Variants in PLCB1 observed in about 807,000 individuals in gnomAD.
The protein encoded by PLCB1 is 1-phosphatidylinositol 4,5-bisphosphate phosphodiesterase beta-1.
A neutral mutation model predicts 161.8 loss-of-function variants in PLCB1; 46 were observed. The ratio of observed to expected loss-of-function variants is 0.28; its 90% CI spans 0.22 to 0.36. The LOEUF (loss-of-function observed/expected upper bound fraction) is 0.36. Among genes scored for constraint, PLCB1 ranks in the 10% least tolerant of loss-of-function variants. The pLI, the probability that PLCB1 is intolerant of heterozygous loss-of-function variation, is 1.00. For missense variants in PLCB1, 1,016 were observed against 1,472.5 expected (o/e 0.69, Z 5.07); for synonymous variants, 517 against 503.7 (o/e 1.03, Z -0.35).
chr20:8,262,827 T>A (rs1981771399), intron 2 of PLCB1, among the ~76,000 whole-genome samples: 1 of 152,124 alleles, frequency 6.6e-6, no homozygotes, highest in Admixed American at 6.6e-5. Flanking sequence ...TGTGTTCAAC[T>A]GACCTTCCTT....
intron 2 of PLCB1, among the ~76,000 whole-genome samples, chr20:8,349,629 G>T (rs1284274282): frequency 6.6e-6 from 1 of 152,204 alleles, no homozygotes; most frequent in East Asian, 1.9e-4. Context: ...TTTTGTTTTG[G>T]TTTTTTGTTT....
At chr20:8,550,199 A>G (rs369428765) in intron 3 of PLCB1, among the ~76,000 whole-genome samples, 109 of 152,294 alleles carry the variant, frequency 7.2e-4, no homozygotes, top group African/African-American at 2.4e-3. Context: ...GAATGAGTTA[A>G]GACTTTGGGG....
chr20:8,621,026 A>C (rs1472779956), intron 3 of PLCB1, among the ~76,000 whole-genome samples: 2 of 152,180 alleles, frequency 1.3e-5, no homozygotes, highest in Non-Finnish European at 2.9e-5. Flanking sequence ...CTTAAATCTC[A>C]CCAATAAAGA....
At position 8,722,367 on chromosome 20, in the gene PLCB1, G is replaced by C. The variant is rs141857911; in HGVS notation, c.1527G>C (p.Thr509=). 9.9e-6 allele frequency: 16 copies of C among 1,610,922 alleles called. No individual in the cohort carries two copies. In the African/African-American group the frequency reaches 2.1e-4, roughly 22 times the overall value. The part of the protein sequence containing the change: ...PSSPGAGEAD[T]ESDDDDDDDD... ...AAAATTTGACAGGAGAAGCTGATAC[G>C]GAAAGTGACGACGACGATGATGATG... The change falls in exon 15 of 32, where the codon ACG becomes ACC. Residue 509 remains threonine (T), a synonymous_variant. Coordinates refer to ENST00000338037, the MANE Select transcript of PLCB1 (RefSeq NM_015192.4).
chr20:8,314,721 G>A (rs887704951), intron 2 of PLCB1, among the ~76,000 whole-genome samples: 6 of 152,078 alleles, frequency 3.9e-5, no homozygotes, highest in African/African-American at 1.2e-4. Context: ...TTACAAATAG[G>A]TAAAACATAC....
chr20:8,169,362 C>T (rs1035969961), intron 2 of PLCB1, among the ~76,000 whole-genome samples: 6 of 152,180 alleles, frequency 3.9e-5, no homozygotes, highest in African/African-American at 1.4e-4. Flanking sequence ...TCATTCTGAG[C>T]TTCCATTTTC....
At chr20:8,584,440 G>A (rs953852419) in intron 3 of PLCB1, among the ~76,000 whole-genome samples, 5 of 150,916 alleles carry the variant, frequency 3.3e-5, no homozygotes, top group African/African-American at 9.8e-5. Context: ...TAAGTGTTAT[G>A]TTTTGACTAA....
At chr20:8,555,287 G>A (rs1985914349) in intron 3 of PLCB1, among the ~76,000 whole-genome samples, 1 of 152,052 alleles carries the variant, frequency 6.6e-6, no homozygotes, top group Admixed American at 6.6e-5. Context: ...GGCAAGGTAG[G>A]CAATGGATCA....
intron 2 of PLCB1, among the ~76,000 whole-genome samples, chr20:8,166,849 C>T (rs1193897428): frequency 1.3e-5 from 2 of 152,120 alleles, no homozygotes; most frequent in Non-Finnish European, 2.9e-5. Context: ...AATACTTTTC[C>T]TCTGCTTGGA....
intron 2 of PLCB1, among the ~76,000 whole-genome samples, chr20:8,209,402 GAGTT>G (rs1164467080): frequency 1.3e-5 from 2 of 152,074 alleles, no homozygotes; most frequent in Non-Finnish European, 2.9e-5. Flanking sequence ...GTTCTTAGAG[GAGTT>G]AGTTATTGTC....
At chr20:8,659,034 C>G (rs933803412) in intron 9 of PLCB1, among the ~76,000 whole-genome samples, 3 of 152,022 alleles carry the variant, frequency 2.0e-5, no homozygotes, top group Non-Finnish European at 2.9e-5. Flanking sequence ...TTGTCTTTTT[C>G]TAGTAAGTTC....
chr20:8,582,120 C>G (rs1986852888), intron 3 of PLCB1, among the ~76,000 whole-genome samples: 1 of 152,154 alleles, frequency 6.6e-6, no homozygotes, highest in Non-Finnish European at 1.5e-5. Flanking sequence ...ACACCTCTGC[C>G]ATAAGCTGAG....
intron 3 of PLCB1, among the ~76,000 whole-genome samples, chr20:8,390,811 G>A (rs1987564484): frequency 6.6e-6 from 1 of 151,910 alleles, no homozygotes; most frequent in African/African-American, 2.4e-5. Flanking sequence ...ACAAGCTCTT[G>A]GGTCAGAAAG....
intron 3 of PLCB1, among the ~76,000 whole-genome samples, chr20:8,577,546 T>TA (rs964042904): frequency 3.9e-5 from 6 of 151,900 alleles, no homozygotes; most frequent in African/African-American, 1.5e-4. Context: ...CTGGCAAAAC[T>TA]AAAAAATCAA....
intron 31 of PLCB1, among the ~76,000 whole-genome samples, chr20:8,797,348 ACT>A (rs1218937081): frequency 6.6e-6 from 1 of 151,116 alleles, no homozygotes; most frequent in Non-Finnish European, 1.5e-5. Flanking sequence ...TTCTGCAAAA[ACT>A]CTAAACTATC....
chr20:8,821,648 G>T (rs564557984), intron 31 of PLCB1, among the ~76,000 whole-genome samples: 1 of 149,080 alleles, frequency 6.7e-6, no homozygotes, highest in East Asian at 2.0e-4. Flanking sequence ...GGATATTTTC[G>T]CATGTCAGCA....
intron 3 of PLCB1, among the ~76,000 whole-genome samples, chr20:8,573,272 A>G (rs553551677): frequency 6.6e-6 from 1 of 152,304 alleles, no homozygotes; most frequent in African/African-American, 2.4e-5. Context: ...CCTCTCTAGA[A>G]AAAGGAGGAC....
chr20:8,461,580 C>CT (rs1981578676), intron 3 of PLCB1, among the ~76,000 whole-genome samples: 1 of 152,054 alleles, frequency 6.6e-6, no homozygotes, highest in Admixed American at 6.5e-5. Context: ...GCATGAATTT[C>CT]TTTTTTCCCC....
At chr20:8,299,259 G>A (rs1302292797) in intron 2 of PLCB1, among the ~76,000 whole-genome samples, 1 of 152,096 alleles carries the variant, frequency 6.6e-6, no homozygotes, top group Non-Finnish European at 1.5e-5. Context: ...ACATATAAAG[G>A]TGTATAAGCC....
Sources: gnomAD v4.1 joint callset for allele counts (sites outside exome capture counted in the v4.1 genomes callset) on GRCh38, gnomAD v4.1.1 for gene constraint, MANE v1.5 for transcripts, NCBI Gene and HGNC (gene_info 2026-07-23, HGNC 2026-07-21) for gene names.